Variants in CDK1 observed in about 807,000 individuals in gnomAD.
The protein encoded by CDK1 is cyclin dependent kinase 1, also known as cyclin-dependent kinase 1.
A neutral mutation model predicts 34.6 loss-of-function variants in CDK1; 5 were observed. The ratio of observed to expected loss-of-function variants is 0.14; its 90% CI spans 0.08 to 0.30. CDK1 has a LOEUF of 0.30. Among genes scored for constraint, CDK1 ranks in the 10% least tolerant of loss-of-function variants. The pLI, the probability that CDK1 is intolerant of heterozygous loss-of-function variation, is 1.00. For synonymous variants in CDK1, 108 were observed against 114.7 expected, an observed-to-expected ratio of 0.94 and a Z score of 0.37; for missense variants, 157 against 345.7, an observed-to-expected ratio of 0.45 and a Z score of 4.33.
chr10:60,785,679 T>C lies in CDK1; in HGVS notation c.210T>C (p.Leu70=). 26 of 1,604,812 alleles carry C rather than the reference T, an allele frequency of 1.6e-5. No homozygotes were observed. The highest frequency in any genetic ancestry group is 2.2e-5 in the Non-Finnish European group (26 of 1,174,230). Reference sequence around the variant, plus strand: ...TTTTCCCCAGTCTTCAGGATGTGCTTATGCAGGATTCCAGGTTATATCTCA... The same window carrying C: ...TTTTCCCCAGTCTTCAGGATGTGCTCATGCAGGATTCCAGGTTATATCTCA... ...HPNIVSLQDV[L]MQDSRLYLIF... is the part of the protein sequence containing the mutation. Residue 70 remains leucine, a synonymous_variant, in exon 4 of 8, where the codon CTT becomes CTC. Transcript: ENST00000395284.
chr10:60,793,454 G>C (rs2080375394), intron 7 of CDK1, among the ~76,000 whole-genome samples: 1 of 151,960 alleles, frequency 6.6e-6, no homozygotes. Context: ...TGCTATGGGG[G>C]GTTTTGGAAC....
Position 60,784,806 on chromosome 10 carries a change from A to T in CDK1, c.139A>T (p.Thr47Ser), listed in dbSNP as rs768015814. The change falls in exon 3 of 8, where the codon ACT becomes TCT. Residue 47 changes from threonine (T) to serine (S), a missense_variant. Physicochemically the swap from Thr to Ser is moderately conservative, Grantham distance 58. Around this residue, in one of 3 missense-constraint regions of CDK1, gnomAD observed 53 missense variants for 89.2 expected, o/e 0.59. Coordinates refer to ENST00000395284, the MANE Select transcript of CDK1 (RefSeq NM_001786.5). ...AAGTGAAGAGGAAGGGGTTCCTAGT[A>T]CTGCAATTCGGGAAATTTCTCTATT... is the stretch of plus-strand genomic sequence containing the variant. ...LESEEEGVPS[T>S]AIREISLLKE... 6.2e-7 allele frequency: 1 copy of T among 1,613,150 alleles called. No individual in the cohort carries two copies. Among genetic ancestry groups the T allele is most frequent in the South Asian group, 1.1e-5 (1 of 91,054 alleles).
At chr10:60,780,044 G>T in intron 1 of CDK1, 97 bp from the exon 2 acceptor site, 1 of 694,260 alleles carries the variant, frequency 1.4e-6, no homozygotes, top group East Asian at 2.6e-5. Context: ...TGCTGCAGTA[G>T]GCACTGTGGA....
chr10:60,789,451 G>A (rs942645385), intron 5 of CDK1, among the ~76,000 whole-genome samples: 5 of 152,108 alleles, frequency 3.3e-5, no homozygotes, highest in Non-Finnish European at 5.9e-5. Flanking sequence ...AACTTTTTAC[G>A]TTTTCAAATA....
chr10:60,781,060 T>TATATA (rs201838771), intron 2 of CDK1, among the ~76,000 whole-genome samples: 5 of 62,944 alleles, frequency 7.9e-5, no homozygotes, highest in African/African-American at 2.8e-4. Flanking sequence ...ATATATATAT[T>TATATA]TTTTTTTTAA....
intron 2 of CDK1, among the ~76,000 whole-genome samples, chr10:60,781,336 G>T (rs550883302): frequency 6.6e-6 from 1 of 152,230 alleles, no homozygotes; most frequent in South Asian, 2.1e-4. Context: ...GCAGTTAAAA[G>T]AATGTAATTT....
chr10:60,783,983 C>G (rs1017280525), intron 2 of CDK1, among the ~76,000 whole-genome samples: 2 of 152,146 alleles, frequency 1.3e-5, no homozygotes, highest in African/African-American at 4.8e-5. Flanking sequence ...GCATAAAGCA[C>G]TCTACAGTAT....
intron 7 of CDK1, 44 bp from the exon 8 acceptor site, chr10:60,793,833 G>A: frequency 9.3e-7 from 1 of 1,076,302 alleles, no homozygotes; most frequent in South Asian, 1.4e-5. Context: ...TGTAAAAAAT[G>A]GTTTATTTCC....
intron 2 of CDK1, among the ~76,000 whole-genome samples, chr10:60,784,487 G>A (rs371147046): frequency 1.2e-4 from 18 of 152,040 alleles, no homozygotes; most frequent in Non-Finnish European, 1.8e-4. Flanking sequence ...AAAATTAGCC[G>A]AGTGTGGTGG....
chr10:60,791,880 T>G lies in CDK1; in HGVS notation c.490-10T>G. 1 of 1,574,564 alleles carries G rather than the reference T, an allele frequency of 6.4e-7. No homozygotes were observed. The highest frequency in any genetic ancestry group is 1.2e-5 in the South Asian group (1 of 84,664). ...ACATTTATTCATTGTAAAAATTTGCTTTTTAATAGGTAGTAACACTCTGGT... is the reference window on the plus strand; with the variant it reads ...ACATTTATTCATTGTAAAAATTTGCGTTTTAATAGGTAGTAACACTCTGGT... On this transcript the variant is annotated splice_polypyrimidine_tract_variant and intron_variant, in intron 5 of 7. Transcript: ENST00000395284.
chr10:60,783,155 A>G (rs1051763857), intron 2 of CDK1, among the ~76,000 whole-genome samples: 1 of 152,166 alleles, frequency 6.6e-6, no homozygotes, highest in African/African-American at 2.4e-5. Context: ...TACATCCAAA[A>G]AAATGTAGAT....
At chr10:60,780,690 A>C (rs1479521947) in intron 2 of CDK1, among the ~76,000 whole-genome samples, 3 of 152,194 alleles carry the variant, frequency 2.0e-5, no homozygotes, top group Non-Finnish European at 4.4e-5. Context: ...ATGACCTGTC[A>C]TATAGACATG....
chr10:60,789,312 T>C (rs2080339520), intron 5 of CDK1, among the ~76,000 whole-genome samples: 1 of 152,154 alleles, frequency 6.6e-6, no homozygotes, highest in Non-Finnish European at 1.5e-5. Flanking sequence ...TGTAGTCAGC[T>C]TACAGTGCTG....
rs1292234109 is a variant in CDK1 at position 60,778,529 on chromosome 10, T to A, written c.-67T>A. On this transcript the variant is annotated 5_prime_UTR_variant, in exon 1 of 8. Transcript: ENST00000395284. ...GAAATTGAGCGGAGAGCGACGCGGT[T>A]GTTGTAGCTGCCGCTGCGGCCGCCG... 2 of 152,398 alleles carry A rather than the reference T, an allele frequency of 1.3e-5. No homozygotes were observed. Among genetic ancestry groups the A allele is most frequent in the Non-Finnish European group, 1.5e-5 (1 of 68,224 alleles). The allele number at this position is 152,398 out of a possible 1,614,324, so 9.4% of individuals were successfully genotyped here. A position where few individuals can be genotyped will look rare whatever the true frequency, so the allele number is the denominator to read the frequency against.
chr10:60,794,222 T>G lies in CDK1; in HGVS notation c.*247T>G, dbSNP rs1408126505. 1.2e-5 allele frequency: 3 copies of G among 245,006 alleles called. No homozygotes were observed. Among genetic ancestry groups the G allele is most frequent in the African/African-American group, 4.5e-5 (2 of 44,586 alleles). 15.2% of individuals were successfully genotyped at this position (245,006 alleles called of 1,614,324 possible). A position where few individuals can be genotyped will look rare whatever the true frequency, so the allele number is the denominator to read the frequency against. ...CTATAATAAAACTATAATATTGATG[T>G]CAGGAATCAGGAAAAAATTTGAGTT... On this transcript the variant is annotated 3_prime_UTR_variant, in exon 8 of 8. Transcript: ENST00000395284.
intron 4 of CDK1, chr10:60,786,511 C>A (rs3213052): frequency 4.0e-5 from 11 of 276,660 alleles, no homozygotes; most frequent in Non-Finnish European, 6.0e-5. Flanking sequence ...TATTGTTGCT[C>A]TTATTAACAG....
At chr10:60,785,251 A>G (rs1013130609) in intron 3 of CDK1, among the ~76,000 whole-genome samples, 2 of 152,164 alleles carry the variant, frequency 1.3e-5, no homozygotes, top group Non-Finnish European at 2.9e-5. Context: ...AAGTATTTGC[A>G]TTGGGTGTTT....
chr10:60,785,654 T>G lies in CDK1; in HGVS notation c.195-10T>G, dbSNP rs1245048955. The stretch of plus-strand genomic sequence containing the variant: ...GCTGGATTCTTCTCTCATATATTTT[T>G]TTTCCCCAGTCTTCAGGATGTGCTT... On this transcript the variant is annotated splice_polypyrimidine_tract_variant and intron_variant, in intron 3 of 7. Transcript: ENST00000395284. 1 of 1,547,630 alleles carries G rather than the reference T, an allele frequency of 6.5e-7. No individual in the cohort carries two copies. Among genetic ancestry groups the G allele is most frequent in the East Asian group, 2.3e-5 (1 of 44,026 alleles).
intron 2 of CDK1, among the ~76,000 whole-genome samples, chr10:60,782,302 T>C (rs1271308242): frequency 3.3e-5 from 5 of 152,222 alleles, no homozygotes; most frequent in Non-Finnish European, 7.4e-5. Context: ...TTGACATTAA[T>C]TCTGATTTAG....
Sources: gnomAD v4.1 joint callset for allele counts (sites outside exome capture counted in the v4.1 genomes callset) on GRCh38, gnomAD v4.1.1 for gene constraint, gnomAD v4.1.1 regional missense constraint, MANE v1.5 for transcripts, NCBI Gene and HGNC (gene_info 2026-07-23, HGNC 2026-07-21) for gene names.